Variants in CNOT6 observed in about 807,000 individuals in gnomAD.
The protein encoded by CNOT6 is CCR4-NOT transcription complex subunit 6.
CNOT6 carries 12 observed loss-of-function variants against 61.2 expected under a neutral mutation model. That is an observed-to-expected ratio of 0.20 (90% CI 0.13 to 0.32). The LOEUF (loss-of-function observed/expected upper bound fraction) is 0.32. Ranked by LOEUF, CNOT6 falls within the 10% of genes least tolerant of loss-of-function variation. The pLI, the probability that CNOT6 is intolerant of heterozygous loss-of-function variation, is 1.00. For synonymous variants in CNOT6, 225 were observed against 240.6 expected (o/e 0.94, Z 0.60); for missense variants, 405 against 663.9 (o/e 0.61, Z 4.28).
At chr5:180,511,187 T>C (rs925111683) in intron 1 of CNOT6, among the ~76,000 whole-genome samples, 1 of 152,144 alleles carries the variant, frequency 6.6e-6, no homozygotes, top group Non-Finnish European at 1.5e-5. Flanking sequence ...TATAATTAAA[T>C]TTTTTGGAGG....
intron 10 of CNOT6, 61 bp downstream of exon 10, chr5:180,569,401 T>A: frequency 7.7e-7 from 1 of 1,299,656 alleles, no homozygotes; most frequent in Non-Finnish European, 1.1e-6. Context: ...TTAGTAATGT[T>A]TTGTTTCTGA....
At chr5:180,557,056 G>T (rs1227680910) in intron 4 of CNOT6, among the ~76,000 whole-genome samples, 2 of 152,088 alleles carry the variant, frequency 1.3e-5, no homozygotes, top group African/African-American at 2.4e-5. Context: ...ATTTGTCCTG[G>T]TTGCATGTAT....
intron 1 of CNOT6, among the ~76,000 whole-genome samples, chr5:180,505,478 G>T (rs544311694): frequency 1.5e-5 from 2 of 135,808 alleles, no homozygotes; most frequent in African/African-American, 5.6e-5. Flanking sequence ...TCCTGGTCTC[G>T]ATCTCCTGAC....
At chr5:180,538,873 T>G (rs540895350) in intron 2 of CNOT6, among the ~76,000 whole-genome samples, 1 of 150,416 alleles carries the variant, frequency 6.6e-6, no homozygotes, top group South Asian at 2.1e-4. Context: ...AGTGAGACCC[T>G]CTCTCAAAAG....
At chr5:180,502,838 C>A (rs1756940428) in intron 1 of CNOT6, among the ~76,000 whole-genome samples, 1 of 152,126 alleles carries the variant, frequency 6.6e-6, no homozygotes, top group African/African-American at 2.4e-5. Context: ...TTTTGGGAGG[C>A]AAATATTTTT....
At chr5:180,501,754 A>G (rs1230824241) in intron 1 of CNOT6, among the ~76,000 whole-genome samples, 1 of 152,222 alleles carries the variant, frequency 6.6e-6, no homozygotes, top group African/African-American at 2.4e-5. Context: ...TTTGGACAGC[A>G]TTGAAATGGT....
chr5:180,563,493 C>T (rs986908387), intron 4 of CNOT6, among the ~76,000 whole-genome samples: 22 of 152,134 alleles, frequency 1.4e-4, no homozygotes, highest in South Asian at 4.1e-4. Context: ...CCGCCCGCCT[C>T]GGCCTCCCAA....
Position 180,532,133 on chromosome 5 carries a change from A to G in CNOT6, c.112+2745A>G, listed in dbSNP as rs150802375. On this transcript the variant is annotated intron_variant, in intron 2 of 11. Coordinates refer to ENST00000261951, the MANE Select transcript of CNOT6 (RefSeq NM_001370472.1). ...TGGCTTTCTGTGCCAGGGGAGCCCAAAGAGAAATATGCACTAATTTTGTAG... is the reference window on the plus strand; with the variant it reads ...TGGCTTTCTGTGCCAGGGGAGCCCAGAGAGAAATATGCACTAATTTTGTAG... Among the ~76,000 whole-genome samples the G allele has an allele frequency of 7.3e-4, 111 of 152,344 alleles. No individual in the cohort carries two copies. The South Asian group carries it at 8.3e-3, about 11-fold the overall frequency.
intron 4 of CNOT6, among the ~76,000 whole-genome samples, chr5:180,555,273 C>G (rs1161434660): frequency 6.6e-6 from 1 of 152,144 alleles, no homozygotes; most frequent in Non-Finnish European, 1.5e-5. Flanking sequence ...TCCCAAATTG[C>G]TGGGGTTACA....
At position 180,565,870 on chromosome 5, in the gene CNOT6, C is replaced by T. The variant is rs535910242; in HGVS notation, c.610C>T (p.Arg204Trp). The T allele has an allele frequency of 3.7e-6, 6 of 1,613,208 alleles. No individual in the cohort carries two copies. In the African/African-American group the frequency reaches 5.3e-5, roughly 14 times the overall value. ...YNVLCDKYAT[R>W]QLYGYCPSWA... ...TGTTCTTTGTGATAAATATGCGACC[C>T]GGCAGTTATACGGCTACTGTCCATC... The change falls in exon 7 of 12, where the codon CGG (arginine) becomes TGG (tryptophan). Residue 204 changes from arginine (R) to tryptophan (W), a missense_variant. This residue lies in a region of CNOT6 where 212 missense variants were observed against 307.1 expected (regional missense o/e 0.69). Coordinates refer to ENST00000261951, the MANE Select transcript of CNOT6 (RefSeq NM_001370472.1).
At chr5:180,532,052 A>AC (rs906893064) in intron 2 of CNOT6, among the ~76,000 whole-genome samples, 1 of 152,192 alleles carries the variant, frequency 6.6e-6, no homozygotes, top group African/African-American at 2.4e-5. Flanking sequence ...AGTTCAGCTC[A>AC]GTAAGTAGGT....
intron 3 of CNOT6, 46 bp downstream of exon 3, chr5:180,550,163 A>G (rs764058830): frequency 6.7e-7 from 1 of 1,493,868 alleles, no homozygotes; most frequent in Admixed American, 1.7e-5. Context: ...GACCCCTAAA[A>G]CAAAATATAG....
At chr5:180,529,139 A>G (rs372871309) in intron 1 of CNOT6, 136 bp from the exon 2 acceptor site, 25 of 631,860 alleles carry the variant, frequency 4.0e-5, no homozygotes, top group East Asian at 1.4e-4. Context: ...AAGAGGTTGG[A>G]GTGAGCCAAA....
chr5:180,569,020 G>A, intron 9 of CNOT6, 90 bp from the exon 10 acceptor site: 1 of 919,886 alleles, frequency 1.1e-6, no homozygotes, highest in Admixed American at 2.6e-5. Flanking sequence ...CTGGGACTCT[G>A]AGAGATTATT....
chr5:180,525,131 A>G (rs2127716885), intron 1 of CNOT6, among the ~76,000 whole-genome samples: 1 of 152,322 alleles, frequency 6.6e-6, no homozygotes, highest in Admixed American at 6.5e-5. Flanking sequence ...TATTGAAGAA[A>G]CTAACGTATA....
At chr5:180,500,127 GCTTTTC>G (rs1044163258) in intron 1 of CNOT6, among the ~76,000 whole-genome samples, 4 of 147,844 alleles carry the variant, frequency 2.7e-5, no homozygotes, top group African/African-American at 5.0e-5. Context: ...TCTTTCTTTT[GCTTTTC>G]CTTTTCCTTT....
intron 4 of CNOT6, among the ~76,000 whole-genome samples, chr5:180,558,654 C>T (rs1760025418): frequency 1.3e-5 from 2 of 149,326 alleles, no homozygotes; most frequent in Non-Finnish European, 3.0e-5. Context: ...GAGGCGATAG[C>T]TTAGATTATT....
At chr5:180,568,135 T>C in intron 9 of CNOT6, 132 bp downstream of exon 9, 1 of 816,436 alleles carries the variant, frequency 1.2e-6, no homozygotes, top group Non-Finnish European at 1.8e-6. Context: ...GAAGTTGTCT[T>C]TCCTAAAATG....
intron 2 of CNOT6, among the ~76,000 whole-genome samples, chr5:180,548,820 A>G (rs941753260): frequency 6.6e-6 from 1 of 152,230 alleles, no homozygotes; most frequent in African/African-American, 2.4e-5. Flanking sequence ...TAGAAAATTA[A>G]TCAGTTCTGA....
Sources: allele counts gnomAD v4.1 joint callset (sites outside exome capture counted in the v4.1 genomes callset), GRCh38; gene constraint gnomAD v4.1.1; regional missense constraint gnomAD v4.1.1; transcripts MANE v1.5; gene names NCBI Gene and HGNC (gene_info 2026-07-23, HGNC 2026-07-21).